The following NDC80 variants were observed in gnomAD, a reference collection of about 807,000 sequenced individuals.
NDC80 encodes the protein NDC80 kinetochore complex component.
Under a neutral mutation model 89.3 loss-of-function variants are expected in NDC80, and 69 were observed. That is an observed-to-expected ratio of 0.77 (90% CI 0.64 to 0.94). The LOEUF is 0.94. Among genes scored for constraint, NDC80 ranks in the 40% least tolerant of loss-of-function variants. The pLI is 0.00. For missense variants in NDC80, 593 were observed against 739.6 expected (o/e 0.80, Z 2.30); for synonymous variants, 243 against 255.6 (o/e 0.95, Z 0.47).
chr18:2,572,606 A>G (rs188266337), intron 1 of NDC80, among the ~76,000 whole-genome samples: 13 of 152,364 alleles, frequency 8.5e-5, no homozygotes, highest in Non-Finnish European at 1.8e-4. Flanking sequence ...CTATTGAAAT[A>G]GGCACAGCCA....
chr18:2,587,947 G>A, intron 8 of NDC80, 24 bp downstream of exon 8: 1 of 1,595,774 alleles, frequency 6.3e-7, no homozygotes. Context: ...TTCTTAGGGT[G>A]CTTGCTTTTG....
intron 6 of NDC80, among the ~76,000 whole-genome samples, chr18:2,584,149 A>G (rs1419758616): frequency 6.6e-6 from 1 of 151,870 alleles, no homozygotes; most frequent in Non-Finnish European, 1.5e-5. Flanking sequence ...TTAGCCAGGC[A>G]TGGTGGCTCA....
At chr18:2,597,064 T>G (rs1441647575) in intron 11 of NDC80, among the ~76,000 whole-genome samples, 2 of 152,034 alleles carry the variant, frequency 1.3e-5, no homozygotes, top group African/African-American at 2.4e-5. Flanking sequence ...TTAGGAGATA[T>G]ACCTAATGCT....
chr18:2,586,487 T>C (rs543625022), intron 7 of NDC80, among the ~76,000 whole-genome samples: 1 of 152,322 alleles, frequency 6.6e-6, no homozygotes, highest in South Asian at 2.1e-4. Flanking sequence ...TCTAGCACTT[T>C]GGGAGGCCGA....
rs745633669 is a variant in NDC80, at chr18:2,590,142, A to T, written c.995A>T (p.Asn332Ile). Residue 332 changes from asparagine to isoleucine, a missense_variant, in exon 10 of 17, where the codon AAT becomes ATT. By Grantham distance (149) the Asn-to-Ile change is moderately radical (BLOSUM62 -3). Coordinates refer to ENST00000261597, the MANE Select transcript of NDC80 (RefSeq NM_006101.3). ...AILDQKLNGL[N>I]EEIARVELEC... is the part of the protein sequence containing the mutation. ...CTTGACCAGAAATTAAATGGTCTCAATGAGGAAATTGCTAGAGTAGGTAAG... is the reference window on the plus strand; with the variant it reads ...CTTGACCAGAAATTAAATGGTCTCATTGAGGAAATTGCTAGAGTAGGTAAG... 6.2e-7 allele frequency: 1 copy of T among 1,608,170 alleles called. No homozygotes were observed. The highest frequency in any genetic ancestry group is 8.5e-7 in the Non-Finnish European group (1 of 1,177,568).
rs753585511 is a variant in NDC80 at position 2,601,495 on chromosome 18, A to G, written c.1464+10A>G. 1.4e-5 allele frequency: 17 copies of G among 1,225,946 alleles called. No homozygotes were observed. Among genetic ancestry groups the G allele is most frequent in the Non-Finnish European group, 1.9e-5 (17 of 894,394 alleles). 75.9% of individuals were successfully genotyped at this position (1,225,946 alleles called of 1,614,324 possible). On this transcript the variant is annotated intron_variant, in intron 13 of 16. Coordinates refer to ENST00000261597, the MANE Select transcript of NDC80 (RefSeq NM_006101.3). ...GGATACTTTAGAACAAGTAAGTAATAAAACATAAAAAGTCATAAAAAGTGA... is the reference window on the plus strand; with the variant it reads ...GGATACTTTAGAACAAGTAAGTAATGAAACATAAAAAGTCATAAAAAGTGA...
intron 13 of NDC80, among the ~76,000 whole-genome samples, chr18:2,602,541 T>A (rs1217493534): frequency 6.6e-6 from 1 of 152,140 alleles, no homozygotes; most frequent in African/African-American, 2.4e-5. Flanking sequence ...TCATTTTGAT[T>A]TCTGTTTTTT....
At chr18:2,588,692 TTGTTCACA>T (rs1322043318) in intron 8 of NDC80, among the ~76,000 whole-genome samples, 1 of 152,176 alleles carries the variant, frequency 6.6e-6, no homozygotes, top group Non-Finnish European at 1.5e-5. Flanking sequence ...CAATTTCAGC[TTGTTCACA>T]TGGGAAAGGG....
At chr18:2,578,203 T>G in intron 5 of NDC80, 62 bp downstream of exon 5, 1 of 1,479,576 alleles carries the variant, frequency 6.8e-7, no homozygotes. Flanking sequence ...ACAAATTAAA[T>G]CAATTTGTAA....
chr18:2,582,030 T>G (rs960874375), intron 6 of NDC80: 2 of 148,758 alleles, frequency 1.3e-5, no homozygotes, highest in Non-Finnish European at 3.0e-5. Flanking sequence ...GATTTTGTTT[T>G]TGTTTTTTCG....
intron 6 of NDC80, 52 bp from the exon 7 acceptor site, chr18:2,585,061 G>A (rs2072596918): frequency 1.4e-6 from 2 of 1,435,916 alleles, no homozygotes; most frequent in Non-Finnish European, 2.0e-6. Context: ...GCCAAAAAAT[G>A]AAAGTTGTGT....
intron 10 of NDC80, 128 bp from the exon 11 acceptor site, chr18:2,595,288 A>G (rs1237531887): frequency 4.8e-6 from 1 of 206,670 alleles, no homozygotes; most frequent in Non-Finnish European, 9.6e-6. Context: ...TATATATAAT[A>G]TATATAATAT....
rs776601721 is a variant in NDC80 at position 2,593,762 on chromosome 18, T to C, written c.1016-1654T>C. 4 of 237,568 alleles carry C rather than the reference T, an allele frequency of 1.7e-5. No individual in the cohort carries two copies. In the East Asian group the frequency reaches 5.8e-4, roughly 35 times the overall value. The allele number at this position is 237,568 out of a possible 1,614,324, so 14.7% of individuals were successfully genotyped here. A position where few individuals can be genotyped will look rare whatever the true frequency, so the allele number is the denominator to read the frequency against. ...AGTATATCCTGGAACCAAAGTAAGA[T>C]GATTTTCCTGTGGATTTCCTACAAT... On this transcript the variant is annotated intron_variant, in intron 10 of 16. Coordinates refer to ENST00000261597, the MANE Select transcript of NDC80 (RefSeq NM_006101.3).
rs1425864628 is a variant in NDC80 at position 2,591,215 on chromosome 18, T to C, written c.1015+1053T>C. On this transcript the variant is annotated intron_variant, in intron 10 of 16. Transcript: ENST00000261597. ...CCAAAGAAAGCTCTTTTATGTCTTA[T>C]GTCTTGTAAGCTTACTTTCATAAAC... Among the ~76,000 whole-genome samples, 4 of 152,254 alleles carry C rather than the reference T, an allele frequency of 2.6e-5. No individual in the cohort carries two copies. The East Asian group carries it at 5.8e-4, about 22-fold the overall frequency.
At chr18:2,588,005 T>C in intron 8 of NDC80, 82 bp downstream of exon 8, 2 of 1,048,044 alleles carry the variant, frequency 1.9e-6, no homozygotes, top group East Asian at 2.5e-5. Context: ...CCATATCCAG[T>C]GTTCATATGA....
At chr18:2,583,099 A>G (rs542803754) in intron 6 of NDC80, among the ~76,000 whole-genome samples, 115 of 152,300 alleles carry the variant, frequency 7.6e-4, no homozygotes, top group Non-Finnish European at 1.4e-3. Flanking sequence ...GTGGTGTTAG[A>G]GTGGAAAACG....
chr18:2,589,790 A>T (rs1373967840), intron 9 of NDC80, among the ~76,000 whole-genome samples: 4 of 135,388 alleles, frequency 3.0e-5, no homozygotes, highest in African/African-American at 1.5e-4. Flanking sequence ...AAAATACCAG[A>T]TTTTAAATAT....
intron 10 of NDC80, among the ~76,000 whole-genome samples, chr18:2,592,029 C>T (rs2072630434): frequency 6.6e-6 from 1 of 152,136 alleles, no homozygotes; most frequent in African/African-American, 2.4e-5. Flanking sequence ...GCTGGGATTG[C>T]AGGCGTGAGC....
intron 16 of NDC80, among the ~76,000 whole-genome samples, chr18:2,611,976 CTAAG>C (rs1349936442): frequency 1.3e-5 from 2 of 151,810 alleles, no homozygotes; most frequent in Non-Finnish European, 2.9e-5. Context: ...AATTCAAGCA[CTAAG>C]TGTTTCTATA....
Sources: gnomAD v4.1 joint callset for allele counts (sites outside exome capture counted in the v4.1 genomes callset) on GRCh38, gnomAD v4.1.1 for gene constraint, MANE v1.5 for transcripts, NCBI Gene and HGNC (gene_info 2026-07-23, HGNC 2026-07-21) for gene names.